Variants in SLC44A3 observed in about 807,000 individuals in gnomAD.
SLC44A3 encodes choline transporter-like protein 3.
In SLC44A3, 74 loss-of-function variants were observed where a neutral mutation model predicts 75.4. The observed-to-expected ratio is 0.98, with a 90% CI of 0.81 to 1.19. SLC44A3 has a LOEUF of 1.19. SLC44A3 is among the 50% of genes most tolerant of loss of function. The pLI, the probability that SLC44A3 is intolerant of heterozygous loss-of-function variation, is 0.00. For synonymous variants in SLC44A3, 310 were observed against 296.9 expected, an observed-to-expected ratio of 1.04 and a Z score of -0.45; for missense variants, 700 against 778.6, an observed-to-expected ratio of 0.90 and a Z score of 1.20.
At chr1:94,826,699 A>G (rs1258790658) in intron 3 of SLC44A3, among the ~76,000 whole-genome samples, 3 of 152,076 alleles carry the variant, frequency 2.0e-5, no homozygotes. Flanking sequence ...CACAATTTTT[A>G]AACTTCTTCA....
intron 12 of SLC44A3, among the ~76,000 whole-genome samples, chr1:94,888,157 TGG>T (rs1669807634): frequency 6.6e-6 from 1 of 152,168 alleles, no homozygotes; most frequent in South Asian, 2.1e-4. Context: ...AGCTAGTCAG[TGG>T]TAGAATTGGG....
chr1:94,827,792 T>A, intron 4 of SLC44A3, 149 bp downstream of exon 4: 1 of 935,786 alleles, frequency 1.1e-6, no homozygotes, highest in Non-Finnish European at 1.6e-6. Flanking sequence ...GAAAAGGCCG[T>A]AAGCATTTTC....
chr1:94,852,885 G>T (rs1665394349), intron 9 of SLC44A3, among the ~76,000 whole-genome samples: 1 of 152,072 alleles, frequency 6.6e-6, no homozygotes, highest in Non-Finnish European at 1.5e-5. Flanking sequence ...GCATTTTAGG[G>T]GTAGATCAGA....
At position 94,828,595 on chromosome 1, in the gene SLC44A3, T is replaced by C; in HGVS notation, c.509+9T>C. On this transcript the variant is annotated intron_variant, in intron 5 of 14. Transcript: ENST00000271227. ...CTACCAGTTCCTCCAAGGTAAAAGC[T>C]TCCATACTTTTTCCTTAACTCTAAA... The C allele has an allele frequency of 6.2e-7, 1 of 1,612,470 alleles. No individual in the cohort carries two copies. The highest frequency in any genetic ancestry group is 1.1e-5 in the South Asian group (1 of 90,870).
chr1:94,820,394 T>C lies in SLC44A3; in HGVS notation c.-58T>C. 7.0e-7 allele frequency: 1 copy of C among 1,424,778 alleles called. No individual in the cohort carries two copies. Among genetic ancestry groups the C allele is most frequent in the Non-Finnish European group, 9.2e-7 (1 of 1,092,218 alleles). The allele number at this position is 1,424,778 out of a possible 1,614,324, so 88.3% of individuals were successfully genotyped here. ...GGCCCCGGCTCGCGGGCGCTGCGTC[T>C]CCGCGTACAGGAGGCGGCGGCGGCT... On this transcript the variant is annotated 5_prime_UTR_variant, in exon 1 of 15. Transcript: ENST00000271227.
chr1:94,891,122 T>C lies in SLC44A3; in HGVS notation c.1483-8T>C. On this transcript the variant is annotated splice_polypyrimidine_tract_variant and splice_region_variant and intron_variant, in intron 12 of 14. Coordinates refer to ENST00000271227, the MANE Select transcript of SLC44A3 (RefSeq NM_001114106.3). ...AATTATCTTTTAAACAATTCTCTTC[T>C]GTTTCAGAATGCATATACTACAACT... 1 of 1,589,536 alleles carries C rather than the reference T, an allele frequency of 6.3e-7. No homozygotes were observed. The highest frequency in any genetic ancestry group is 8.5e-7 in the Non-Finnish European group (1 of 1,169,668).
At chr1:94,821,553 T>G (rs1660591006) in intron 2 of SLC44A3, among the ~76,000 whole-genome samples, 1 of 152,220 alleles carries the variant, frequency 6.6e-6, no homozygotes, top group South Asian at 2.1e-4. Context: ...CAAGGAATGA[T>G]TTTTCCCACT....
At chr1:94,882,472 T>G (rs1301473300) in intron 12 of SLC44A3, among the ~76,000 whole-genome samples, 1 of 152,210 alleles carries the variant, frequency 6.6e-6, no homozygotes, top group Non-Finnish European at 1.5e-5. Context: ...CTGTTTAATT[T>G]TGCCTTCCAG....
rs1325415987 is a variant in SLC44A3, at chr1:94,828,350, T to C, written c.416-143T>C. ...AGAGAGGCCCTCACTAGACCTCAGA[T>C]TGTATGCCTATTACTTTTGTGTTTC... On this transcript the variant is annotated intron_variant, in intron 4 of 14. Transcript: ENST00000271227. The C allele has an allele frequency of 5.3e-6, 3 of 561,084 alleles. No homozygotes were observed. The African/African-American group carries it at 5.7e-5, about 11-fold the overall frequency. 34.8% of individuals were successfully genotyped at this position (561,084 alleles called of 1,614,324 possible). A position where few individuals can be genotyped will look rare whatever the true frequency, so the allele number is the denominator to read the frequency against.
At chr1:94,865,006 C>T (rs995299583) in intron 11 of SLC44A3, 107 bp downstream of exon 11, 19 of 1,237,468 alleles carry the variant, frequency 1.5e-5, no homozygotes, top group Admixed American at 1.5e-4. Flanking sequence ...CCTGTGACAG[C>T]GGGCCGTGCA....
At chr1:94,867,674 A>T (rs9432396) in intron 12 of SLC44A3, among the ~76,000 whole-genome samples, 6 of 152,158 alleles carry the variant, frequency 3.9e-5, no homozygotes, top group African/African-American at 1.4e-4. Flanking sequence ...TTTGAATTTC[A>T]TATGATTTTT....
intron 12 of SLC44A3, among the ~76,000 whole-genome samples, chr1:94,882,258 C>G (rs142212599): frequency 6.6e-6 from 1 of 152,168 alleles, no homozygotes; most frequent in Non-Finnish European, 1.5e-5. Flanking sequence ...TGGTCATCCT[C>G]GTGGCTCCAA....
intron 14 of SLC44A3, among the ~76,000 whole-genome samples, chr1:94,893,040 C>G (rs1437746294): frequency 6.6e-6 from 1 of 152,212 alleles, no homozygotes; most frequent in African/African-American, 2.4e-5. Context: ...AAGCCACACC[C>G]TCAGCGGAGC....
intron 9 of SLC44A3, among the ~76,000 whole-genome samples, chr1:94,849,531 T>G (rs935994468): frequency 1.3e-5 from 2 of 152,090 alleles, no homozygotes; most frequent in Admixed American, 1.3e-4. Context: ...CTTTTTGATC[T>G]TCAGAAGATG....
chr1:94,828,682 A>G (rs1661706139), intron 5 of SLC44A3, 96 bp downstream of exon 5: 3 of 1,084,772 alleles, frequency 2.8e-6, no homozygotes, highest in Admixed American at 2.1e-5. Flanking sequence ...GGAAGGAGAT[A>G]TCAGAAGAGC....
intron 12 of SLC44A3, among the ~76,000 whole-genome samples, chr1:94,876,518 A>ATATC (rs1240321892): frequency 6.6e-6 from 1 of 152,228 alleles, no homozygotes; most frequent in African/African-American, 2.4e-5. Context: ...GAAGGAAGTG[A>ATATC]TGACTGGCCA....
chr1:94,848,971 T>C (rs994996123), intron 9 of SLC44A3, among the ~76,000 whole-genome samples: 6 of 151,714 alleles, frequency 4.0e-5, no homozygotes, highest in Middle Eastern at 3.4e-3. Context: ...GCCACAGAGG[T>C]CAAGGGAAGA....
At chr1:94,882,842 C>T (rs1669145739) in intron 12 of SLC44A3, among the ~76,000 whole-genome samples, 1 of 150,692 alleles carries the variant, frequency 6.6e-6, no homozygotes, top group Non-Finnish European at 1.5e-5. Flanking sequence ...TACCTGGTCA[C>T]AGCCTGTCGA....
rs556569923 is a variant in SLC44A3 at position 94,863,763 on chromosome 1, C to T, written c.1239-980C>T. 2.3e-4 allele frequency among the ~76,000 whole-genome samples: 35 copies of T among 152,182 alleles called. 1 individual carries two copies. In the South Asian group the frequency reaches 6.8e-3, roughly 30 times the overall value. On this transcript the variant is annotated intron_variant, in intron 10 of 14. Transcript: ENST00000271227. ...TTACTTTCATGTTCTCTTTTTCTTC[C>T]TGGCTGATTTGAGTAACAGCAAAAT...
Sources: allele counts gnomAD v4.1 joint callset (sites outside exome capture counted in the v4.1 genomes callset), GRCh38; gene constraint gnomAD v4.1.1; transcripts MANE v1.5; gene names NCBI Gene and HGNC (gene_info 2026-07-23, HGNC 2026-07-21).